The following MMP1 variants were observed in gnomAD, a reference collection of about 807,000 sequenced individuals.
MMP1 encodes the protein matrix metallopeptidase 1.
Under a neutral mutation model 49.6 loss-of-function variants are expected in MMP1, and 51 were observed. That is an observed-to-expected ratio of 1.03 (90% CI 0.82 to 1.30). The LOEUF (loss-of-function observed/expected upper bound fraction) is 1.30. Among genes scored for constraint, MMP1 ranks in the 50% most tolerant of loss-of-function variants. The pLI is 0.00. For missense variants in MMP1, 623 were observed against 568.7 expected, an observed-to-expected ratio of 1.10 and a Z score of -0.97; for synonymous variants, 230 against 196.8, an observed-to-expected ratio of 1.17 and a Z score of -1.41.
Position 102,790,532 on chromosome 11 carries a change from A to G in MMP1, c.1301-11T>C, listed in dbSNP as rs777883805. 1.3e-5 allele frequency: 20 copies of G among 1,522,922 alleles called. No homozygotes were observed. The highest frequency in any genetic ancestry group is 1.8e-5 in the Non-Finnish European group (20 of 1,107,680). 94.3% of individuals were successfully genotyped at this position (1,522,922 alleles called of 1,614,324 possible). A position where few individuals can be genotyped will look rare whatever the true frequency, so the allele number is the denominator to read the frequency against. ...AGAAATAGAAAAATCCTAGAAACAA[A>G]ACAAAAGAGACTTACTACATTATAC... On this transcript the variant is annotated splice_polypyrimidine_tract_variant and intron_variant, in intron 9 of 9. Transcript: ENST00000315274.
rs762980965 is a variant in MMP1, at chr11:102,796,931, T to G, written c.499+83A>C. 1.9e-6 allele frequency: 3 copies of G among 1,542,176 alleles called. No homozygotes were observed. In the African/African-American group the frequency reaches 4.1e-5, roughly 21 times the overall value. On this transcript the variant is annotated intron_variant, in intron 3 of 9. Coordinates refer to ENST00000315274, the MANE Select transcript of MMP1 (RefSeq NM_002421.4). The stretch of plus-strand genomic sequence containing the variant: ...CCTCTTCGAGCCCATAAAATCAACA[T>G]TCATCTTAAACAATCAATTCCAGTT...
At chr11:102,793,923 C>T (rs1858104598) in intron 6 of MMP1, among the ~76,000 whole-genome samples, 1 of 152,192 alleles carries the variant, frequency 6.6e-6, no homozygotes, top group Non-Finnish European at 1.5e-5. Context: ...CCTTCCTCTG[C>T]CTGGCTGTGA....
chr11:102,796,118 T>C (rs553425136), intron 4 of MMP1, among the ~76,000 whole-genome samples: 2 of 152,246 alleles, frequency 1.3e-5, no homozygotes, highest in East Asian at 3.9e-4. Flanking sequence ...GCCTGTCTAA[T>C]TTTTATATTT....
rs199921381 is a variant in MMP1 at position 102,792,633 on chromosome 11, G to A, written c.1005C>T (p.Ala335=). 1.9e-5 allele frequency: 31 copies of A among 1,613,638 alleles called. 1 individual carries two copies. The South Asian group carries it at 2.6e-4, about 14-fold the overall frequency. Residue 335 remains alanine, a synonymous_variant, in exon 7 of 10, where the codon GCC becomes GCT. Coordinates refer to ENST00000315274, the MANE Select transcript of MMP1 (RefSeq NM_002421.4). ...PNGLEAAYEF[A]DRDEVRFFKG... ...TGAAAAACCGGACTTCATCTCTGTCGGCAAATTCGTAAGCAGCTTCAAGCC... is the reference window on the plus strand; with the variant it reads ...TGAAAAACCGGACTTCATCTCTGTCAGCAAATTCGTAAGCAGCTTCAAGCC...
In MMP1 at chr11:102,791,735, T is replaced by C. The variant is rs17881293; in HGVS notation, c.1034-240A>G. Among the ~76,000 whole-genome samples, 12,659 of 152,262 alleles carry C rather than the reference T, an allele frequency of 0.083. 694 individuals are homozygous for C. Among genetic ancestry groups the C allele is most frequent in the African/African-American group, 0.15 (6,245 of 41,538 alleles). On this transcript the variant is annotated intron_variant, in intron 7 of 9. Transcript: ENST00000315274. The stretch of plus-strand genomic sequence containing the variant: ...TGCAGCAAGCTTTGAGAATGACTTG[T>C]TTATGGAGTTGGGGGCTTCTTTCCA...
At chr11:102,790,594 C>G in intron 9 of MMP1, 73 bp from the exon 10 acceptor site, 4 of 1,316,348 alleles carry the variant, frequency 3.0e-6, no homozygotes, top group Non-Finnish European at 2.2e-6. Context: ...TCTTGAGAAA[C>G]CAATTCATCT....
rs566440754 is a variant in MMP1 at position 102,795,293 on chromosome 11, T to C, written c.782-2A>G. Reference sequence around the variant, plus strand: ...GCTGGACAGGATTTTGGGAACGTCCTAAGGAAAATAAAATACCTAGAGTTA... The same window carrying C: ...GCTGGACAGGATTTTGGGAACGTCCCAAGGAAAATAAAATACCTAGAGTTA... On this transcript the variant is annotated splice_acceptor_variant, in intron 5 of 9. Coordinates refer to ENST00000315274, the MANE Select transcript of MMP1 (RefSeq NM_002421.4). LOFTEE classifies it high-confidence loss of function. 54 of 1,613,582 alleles carry C rather than the reference T, an allele frequency of 3.3e-5. No homozygotes were observed. In the Middle Eastern group the frequency reaches 6.6e-4, roughly 20 times the overall value.
chr11:102,790,305 G>A lies in MMP1; in HGVS notation c.*107C>T. On this transcript the variant is annotated 3_prime_UTR_variant, in exon 10 of 10. Transcript: ENST00000315274. ...AGGTATAAATAAGATTATATTCTGT[G>A]TATCAGTGACTCTAGAGGTTAAAAA... 1 of 622,026 alleles carries A rather than the reference G, an allele frequency of 1.6e-6. No homozygotes were observed. Among genetic ancestry groups the A allele is most frequent in the Non-Finnish European group, 2.8e-6 (1 of 352,836 alleles). 38.5% of individuals were successfully genotyped at this position (622,026 alleles called of 1,614,324 possible). A position where few individuals can be genotyped will look rare whatever the true frequency, so the allele number is the denominator to read the frequency against.
rs1006463947 is a variant in MMP1, at chr11:102,793,985, C to T, written c.899+1189G>A. 5.9e-5 allele frequency among the ~76,000 whole-genome samples: 9 copies of T among 152,288 alleles called. 1 individual carries two copies. The East Asian group carries it at 1.5e-3, about 26-fold the overall frequency. On this transcript the variant is annotated intron_variant, in intron 6 of 9. Coordinates refer to ENST00000315274, the MANE Select transcript of MMP1 (RefSeq NM_002421.4). ...CTATCTCTAGCCTTTCATGTCTCCT[C>T]GACATGGCGACATTTAAATGATCTC...
rs1335697281 is a variant in MMP1 at position 102,794,114 on chromosome 11, C to G, written c.899+1060G>C. Among the ~76,000 whole-genome samples, 5 of 152,168 alleles carry G rather than the reference C, an allele frequency of 3.3e-5. No homozygotes were observed. Among genetic ancestry groups the G allele is most frequent in the Non-Finnish European group, 5.9e-5 (4 of 68,040 alleles). ...TTGTACTGAGAGGTTTCCTTTAAAA[C>G]CATGTGTTTTCTTAACTTGTCCCAG... On this transcript the variant is annotated intron_variant, in intron 6 of 9. Coordinates refer to ENST00000315274, the MANE Select transcript of MMP1 (RefSeq NM_002421.4). This position sits in a 1 kb window ranked among gnomAD's most constrained non-coding sequence, Gnocchi z 4.3.
rs1207564612 is a variant in MMP1, at chr11:102,795,157, A to C, written c.899+17T>G. 1 of 1,554,388 alleles carries C rather than the reference A, an allele frequency of 6.4e-7. No homozygotes were observed. The highest frequency in any genetic ancestry group is 8.9e-7 in the Non-Finnish European group (1 of 1,125,804). ...ATTATTACAAATGCAGATCACAAAG[A>C]AGAACTGACATCTTACCTGTCTTTA... On this transcript the variant is annotated intron_variant, in intron 6 of 9. Coordinates refer to ENST00000315274, the MANE Select transcript of MMP1 (RefSeq NM_002421.4).
Position 102,792,630 on chromosome 11 carries a change from G to C in MMP1, c.1008C>G (p.Asp336Glu), listed in dbSNP as rs1334199818. ...CTTTGAAAAACCGGACTTCATCTCT[G>C]TCGGCAAATTCGTAAGCAGCTTCAA... ...NGLEAAYEFADRDEVRFFKGN... is the reference protein window; with the variant it reads ...NGLEAAYEFAERDEVRFFKGN... Residue 336 changes from aspartate to glutamate, a missense_variant, in exon 7 of 10, where the codon GAC becomes GAG. Physicochemically the swap from Asp to Glu is conservative, Grantham distance 45. Coordinates refer to ENST00000315274, the MANE Select transcript of MMP1 (RefSeq NM_002421.4). 1 of 1,613,690 alleles carries C rather than the reference G, an allele frequency of 6.2e-7. No homozygotes were observed. The highest frequency in any genetic ancestry group is 2.2e-5 in the East Asian group (1 of 44,900).
At position 102,797,348 on chromosome 11, in the gene MMP1, C is replaced by CA; in HGVS notation, c.257dup (p.Met87AspfsTer10). The CA allele has an allele frequency of 6.2e-7, 1 of 1,614,204 alleles. No individual in the cohort carries two copies. Among genetic ancestry groups the CA allele is most frequent in the South Asian group, 1.1e-5 (1 of 91,088 alleles). On this transcript the variant is annotated frameshift_variant, in exon 2 of 10. Transcript: ENST00000315274. LOFTEE classifies it high-confidence loss of function. Reference sequence around the variant, plus strand: ...GCACTCCACATCTGGGCTGCTTCATCACCTTCAGGGTTTCAGCATCTGGTT... The same window carrying CA: ...GCACTCCACATCTGGGCTGCTTCATCAACCTTCAGGGTTTCAGCATCTGGTT...
At chr11:102,791,615 C>A in intron 7 of MMP1, 120 bp from the exon 8 acceptor site, 1 of 1,069,982 alleles carries the variant, frequency 9.3e-7, no homozygotes, top group Non-Finnish European at 1.4e-6. Flanking sequence ...AGATTAGAAT[C>A]ATCTAGGGAG....
At chr11:102,795,355 A>C in intron 5 of MMP1, 64 bp from the exon 6 acceptor site, 1 of 1,604,792 alleles carries the variant, frequency 6.2e-7, no homozygotes, top group Non-Finnish European at 8.5e-7. Context: ...TAAACAATGA[A>C]GACAGCTTCT....
At chr11:102,790,563 G>A in intron 9 of MMP1, 42 bp from the exon 10 acceptor site, 1 of 1,402,022 alleles carries the variant, frequency 7.1e-7, no homozygotes, top group Admixed American at 1.9e-5. Flanking sequence ...TATACAAGTA[G>A]TTTCTAGGTT....
chr11:102,791,518 A>T, intron 7 of MMP1, 23 bp from the exon 8 acceptor site: 1 of 1,610,570 alleles, frequency 6.2e-7, no homozygotes, highest in Non-Finnish European at 8.5e-7. Context: ...AAAGAGTGAT[A>T]AAACACTTGC....
Position 102,791,544 on chromosome 11 carries a change from G to A in MMP1, c.1034-49C>T. ...AAACACTTGCCTAAGACTTCAATAG[G>A]CAGTAAGTGAATTTTCAGCTAAGTT... On this transcript the variant is annotated intron_variant, in intron 7 of 9. Coordinates refer to ENST00000315274, the MANE Select transcript of MMP1 (RefSeq NM_002421.4). 6 of 1,591,802 alleles carry A rather than the reference G, an allele frequency of 3.8e-6. No individual in the cohort carries two copies. The South Asian group carries it at 4.5e-5, about 12-fold the overall frequency.
At chr11:102,791,091 A>G (rs1186658211) in intron 8 of MMP1, among the ~76,000 whole-genome samples, 2 of 152,224 alleles carry the variant, frequency 1.3e-5, no homozygotes, top group African/African-American at 4.8e-5. Context: ...AGCTCCGTTA[A>G]GATGAATGTC....
Sources: allele counts gnomAD v4.1 joint callset (sites outside exome capture counted in the v4.1 genomes callset), GRCh38; gene constraint gnomAD v4.1.1; non-coding constraint Gnocchi (gnomAD v3.1); transcripts MANE v1.5; gene names NCBI Gene and HGNC (gene_info 2026-07-23, HGNC 2026-07-21).